The following FAM200B variants were observed in gnomAD, a reference collection of about 807,000 sequenced individuals.
FAM200B encodes the protein zinc finger BED-type containing 11, also known as protein FAM200B.
In FAM200B, 32 loss-of-function variants were observed where a neutral mutation model predicts 33.1. The ratio of observed to expected loss-of-function variants is 0.97; its 90% CI spans 0.73 to 1.30. FAM200B has a LOEUF of 1.30. FAM200B is among the 50% of genes most tolerant of loss of function. The probability of loss-of-function intolerance (pLI) is 0.00; values close to 1 mark genes in which losing one functional copy is unlikely to be tolerated. For synonymous variants in FAM200B, 240 were observed against 264.8 expected (o/e 0.91, Z 0.91); for missense variants, 741 against 754.0 (o/e 0.98, Z 0.20).
At chr4:15,680,117 GA>G (rs371343552), upstream of FAM200B, among the ~76,000 whole-genome samples, 183 of 144,246 alleles carry the variant, frequency 1.3e-3, no homozygotes, top group Middle Eastern at 7.4e-3. Context: ...AGTAAAACAG[GA>G]AAAAAAAAAA....
At chr4:15,658,511 A>G in the FAM200B span, among the ~76,000 whole-genome samples, 1 of 152,150 alleles carries the variant, frequency 6.6e-6, no homozygotes, top group African/African-American at 2.4e-5. Flanking sequence ...ATGGGTTATC[A>G]TAGGAGTGGG....
chr4:15,647,447 T>C, the FAM200B span, among the ~76,000 whole-genome samples: 503 of 152,226 alleles, frequency 3.3e-3, no homozygotes, highest in South Asian at 8.9e-3. Flanking sequence ...TTGGTATTCA[T>C]GGGTGTCCTG....
the FAM200B span, among the ~76,000 whole-genome samples, chr4:15,654,455 C>T: frequency 6.6e-6 from 1 of 152,262 alleles, no homozygotes; most frequent in African/African-American, 2.4e-5. Context: ...ACAGTTAAAC[C>T]AACTTTTCCT....
At chr4:15,652,218 G>A in the FAM200B span, among the ~76,000 whole-genome samples, 1 of 152,210 alleles carries the variant, frequency 6.6e-6, no homozygotes, top group Non-Finnish European at 1.5e-5. Context: ...CATCATCCCA[G>A]TCTGAAAGGT....
At chr4:15,655,343 C>G in the FAM200B span, 4 of 1,289,310 alleles carry the variant, frequency 3.1e-6, no homozygotes, top group Non-Finnish European at 4.1e-6. Flanking sequence ...TCCATAGACA[C>G]CCTCGCCGCG....
At chr4:15,644,969 AAAGAG>A in the FAM200B span, among the ~76,000 whole-genome samples, 1 of 152,202 alleles carries the variant, frequency 6.6e-6, no homozygotes, top group African/African-American at 2.4e-5. Flanking sequence ...CGGTTTCTTT[AAAGAG>A]AAGAGATTAA....
chr4:15,682,185 A>T (rs966809349), intron 1 of FAM200B, among the ~76,000 whole-genome samples: 4 of 152,198 alleles, frequency 2.6e-5, no homozygotes, highest in African/African-American at 9.7e-5. Context: ...TAAAGCTGGT[A>T]CCTGGCAGTT....
chr4:15,638,833 T>G, the FAM200B span: 1 of 572,806 alleles, frequency 1.7e-6, no homozygotes, highest in Non-Finnish European at 2.9e-6. Flanking sequence ...CTGTCACCAC[T>G]GAGTTAGTTT....
the FAM200B span, among the ~76,000 whole-genome samples, chr4:15,660,527 G>C: frequency 1.3e-5 from 2 of 152,138 alleles, no homozygotes; most frequent in Non-Finnish European, 2.9e-5. Context: ...CCAATAGCCT[G>C]GCTAATACAC....
the FAM200B span, among the ~76,000 whole-genome samples, chr4:15,639,811 T>G: frequency 6.6e-6 from 1 of 151,984 alleles, no homozygotes; most frequent in Non-Finnish European, 1.5e-5. Context: ...CGGGGTTTCT[T>G]TTGTTTGTTT....
chr4:15,663,799 A>G, the FAM200B span, among the ~76,000 whole-genome samples: 2 of 152,108 alleles, frequency 1.3e-5, no homozygotes, highest in East Asian at 3.9e-4. Flanking sequence ...CCAAAAGTGA[A>G]CTCACCATTT....
At chr4:15,678,726 TTAATTA>T (rs1718085862), upstream of FAM200B, among the ~76,000 whole-genome samples, 1 of 152,220 alleles carries the variant, frequency 6.6e-6, no homozygotes, top group Admixed American at 6.5e-5. Context: ...AAATCAGCTT[TTAATTA>T]TAAGCTTATT....
At chr4:15,681,017 C>A (rs1413368106), upstream of FAM200B, among the ~76,000 whole-genome samples, 13 of 150,676 alleles carry the variant, frequency 8.6e-5, no homozygotes. Flanking sequence ...GACAAAGATG[C>A]ACTTATTTGC....
chr4:15,677,742 C>A (rs574803932), upstream of FAM200B, among the ~76,000 whole-genome samples: 13 of 152,258 alleles, frequency 8.5e-5, no homozygotes, highest in South Asian at 2.7e-3. Context: ...ATCCTTTACA[C>A]AAAAATTGTA....
the FAM200B span, among the ~76,000 whole-genome samples, chr4:15,639,431 T>A: frequency 1.3e-5 from 2 of 152,236 alleles, no homozygotes; most frequent in Non-Finnish European, 2.9e-5. Flanking sequence ...CTGAGACATT[T>A]AACTTTTCAA....
At chr4:15,640,066 G>A in the FAM200B span, among the ~76,000 whole-genome samples, 3 of 151,980 alleles carry the variant, frequency 2.0e-5, no homozygotes, top group Non-Finnish European at 2.9e-5. Context: ...TTGGAGACAC[G>A]GTCTTGCTCT....
the FAM200B span, among the ~76,000 whole-genome samples, chr4:15,638,319 T>C: frequency 1.3e-5 from 2 of 152,238 alleles, no homozygotes; most frequent in Non-Finnish European, 2.9e-5. Context: ...TAAATTATCA[T>C]GCACAACACT....
At position 15,687,523 on chromosome 4, in the gene FAM200B, A is replaced by G. The variant is rs1210332728; in HGVS notation, c.546A>G (p.Ile182Met). The G allele has an allele frequency of 6.4e-7, 1 of 1,550,926 alleles. No individual in the cohort carries two copies. The highest frequency in any genetic ancestry group is 1.4e-5 in the African/African-American group (1 of 73,146). Residue 182 changes from isoleucine to methionine, a missense_variant, in exon 2 of 2, where the codon ATA becomes ATG. Ile to Met is a conservative substitution (Grantham distance 10). Transcript: ENST00000422728. ...LPACLDMVRTIFDDKSADKLK... is the reference protein window; with the variant it reads ...LPACLDMVRTMFDDKSADKLK... ...CATGTTTGGATATGGTGCGTACAAT[A>G]TTTGATGATAAATCAGCTGATAAAT...
chr4:15,656,793 A>T, the FAM200B span, among the ~76,000 whole-genome samples: 1 of 152,102 alleles, frequency 6.6e-6, no homozygotes, highest in African/African-American at 2.4e-5. Flanking sequence ...TGAAGCACTT[A>T]TAACAGTACC....
Sources: gnomAD v4.1 joint callset for allele counts (sites outside exome capture counted in the v4.1 genomes callset) on GRCh38, gnomAD v4.1.1 for gene constraint, MANE v1.5 for transcripts, NCBI Gene and HGNC (gene_info 2026-07-23, HGNC 2026-07-21) for gene names.